Variants in TMEM127 observed in about 807,000 individuals in gnomAD.
TMEM127 encodes the protein transmembrane protein 127.
In TMEM127, 21 loss-of-function variants were observed where a neutral mutation model predicts 20.1. That is an observed-to-expected ratio of 1.04 (90% CI 0.74 to 1.50). The LOEUF (loss-of-function observed/expected upper bound fraction) is 1.50, where lower values mean the gene tolerates loss of function less well. Ranked by LOEUF, TMEM127 falls within the 40% of genes most tolerant of loss-of-function variation. The pLI is 0.00. For synonymous variants in TMEM127, 150 were observed against 144.7 expected (o/e 1.04, Z -0.26); for missense variants, 303 against 317.4 (o/e 0.95, Z 0.34).
chr2:96,250,365 T>C lies in TMEM127; in HGVS notation c.*3443A>G. On this transcript the variant is annotated 3_prime_UTR_variant, in exon 4 of 4. Coordinates refer to ENST00000258439, the MANE Select transcript of TMEM127 (RefSeq NM_017849.4). Reference sequence around the variant, plus strand: ...GCTGCGTCCTCCAGGAAGCCTTTCATTATCACTCAGGTCAGAACTGGCTCC... The same window carrying C: ...GCTGCGTCCTCCAGGAAGCCTTTCACTATCACTCAGGTCAGAACTGGCTCC... The C allele has an allele frequency of 4.3e-6, 1 of 232,824 alleles. No homozygotes were observed. Among genetic ancestry groups the C allele is most frequent in the Admixed American group, 5.6e-5 (1 of 17,784 alleles). The allele number at this position is 232,824 out of a possible 1,614,324, so 14.4% of individuals were successfully genotyped here.
rs1048563235 is a variant in TMEM127, at chr2:96,249,683, G to C, written c.*4125C>G. On this transcript the variant is annotated 3_prime_UTR_variant, in exon 4 of 4. Coordinates refer to ENST00000258439, the MANE Select transcript of TMEM127 (RefSeq NM_017849.4). The stretch of plus-strand genomic sequence containing the variant: ...CCCCCCAAAAAATGCAGAGGAAGAG[G>C]TAAGATTGCAGGCTATTTGAAAACA... 2 of 233,012 alleles carry C rather than the reference G, an allele frequency of 8.6e-6. No individual in the cohort carries two copies. Among genetic ancestry groups the C allele is most frequent in the African/African-American group, 4.4e-5 (2 of 45,334 alleles). 14.4% of individuals were successfully genotyped at this position (233,012 alleles called of 1,614,324 possible). A position where few individuals can be genotyped will look rare whatever the true frequency, so the allele number is the denominator to read the frequency against.
intron 2 of TMEM127, 41 bp downstream of exon 2, chr2:96,265,097 C>T: frequency 6.2e-7 from 1 of 1,609,826 alleles, no homozygotes; most frequent in Non-Finnish European, 8.5e-7. Flanking sequence ...CACATTCTGT[C>T]CCCCACCGAG....
chr2:96,262,510 C>T (rs1005191645), intron 2 of TMEM127, among the ~76,000 whole-genome samples: 3 of 152,162 alleles, frequency 2.0e-5, no homozygotes, highest in African/African-American at 7.2e-5. Flanking sequence ...TCTGTGATAG[C>T]TCATGAGGCA....
Position 96,251,927 on chromosome 2 carries a change from AC to A in TMEM127, c.*1880del. ...GGTCTTCTGGTCTGCCTGCTCAGACACCCAAGGGCAGAGAGAGCTGGCCACA... is the reference window on the plus strand; with the variant it reads ...GGTCTTCTGGTCTGCCTGCTCAGACACCAAGGGCAGAGAGAGCTGGCCACA... On this transcript the variant is annotated 3_prime_UTR_variant, in exon 4 of 4. Coordinates refer to ENST00000258439, the MANE Select transcript of TMEM127 (RefSeq NM_017849.4). The A allele has an allele frequency of 4.3e-6, 1 of 233,352 alleles. No homozygotes were observed. Among genetic ancestry groups the A allele is most frequent in the East Asian group, 6.0e-5 (1 of 16,546 alleles). 14.5% of individuals were successfully genotyped at this position (233,352 alleles called of 1,614,324 possible). A position where few individuals can be genotyped will look rare whatever the true frequency, so the allele number is the denominator to read the frequency against.
At chr2:96,259,148 T>C (rs745756480) in intron 2 of TMEM127, among the ~76,000 whole-genome samples, 15 of 152,214 alleles carry the variant, frequency 9.9e-5, no homozygotes, top group Non-Finnish European at 1.8e-4. Flanking sequence ...CCTGCTCCTC[T>C]CCAAAGGCAA....
At chr2:96,254,736 C>A (rs1169811689) in intron 3 of TMEM127, 97 bp downstream of exon 3, 2 of 1,490,586 alleles carry the variant, frequency 1.3e-6, no homozygotes, top group African/African-American at 1.4e-5. Flanking sequence ...TGGAAGGGTG[C>A]CTGCTCAGAG....
chr2:96,256,770 A>C (rs949631080), intron 2 of TMEM127, among the ~76,000 whole-genome samples: 9 of 152,070 alleles, frequency 5.9e-5, no homozygotes, highest in African/African-American at 2.2e-4. Context: ...CCCTCCCTGA[A>C]CTCTACGAGA....
At position 96,265,246 on chromosome 2, in the gene TMEM127, T is replaced by G. The variant is rs144659242; in HGVS notation, c.136A>C (p.Thr46Pro). Residue 46 changes from threonine to proline, a missense_variant, in exon 2 of 4, where the codon ACT becomes CCT. Coordinates refer to ENST00000258439, the MANE Select transcript of TMEM127 (RefSeq NM_017849.4). ...AACCAGGCGGGCTCGGCGAGGGCAG[T>G]GCACAGCGCCGTGATAGACAGGGCG... ...PGALSITALC[T>P]ALAEPAWLHI... is the part of the protein sequence containing the mutation. The G allele has an allele frequency of 6.3e-7, 1 of 1,595,470 alleles. No homozygotes were observed. The highest frequency in any genetic ancestry group is 1.1e-5 in the South Asian group (1 of 89,058).
At chr2:96,258,327 G>A (rs1372270899) in intron 2 of TMEM127, among the ~76,000 whole-genome samples, 1 of 152,228 alleles carries the variant, frequency 6.6e-6, no homozygotes, top group Non-Finnish European at 1.5e-5. Context: ...CCAGGAACCT[G>A]GGGAGGGGAC....
At position 96,253,980 on chromosome 2, in the gene TMEM127, C is replaced by G. The variant is rs761885719; in HGVS notation, c.545G>C (p.Gly182Ala). Residue 182 changes from glycine (G) to alanine (A), a missense_variant, in exon 4 of 4, where the codon GGA becomes GCA. Coordinates refer to ENST00000258439, the MANE Select transcript of TMEM127 (RefSeq NM_017849.4). The surrounding 1 kb of genome is among the most constrained non-coding windows in gnomAD (Gnocchi z 4.3). ...TFAVSFYLVA[G>A]AGGASILATA... Reference sequence around the variant, plus strand: ...GGCCAGGATTGAGGCTCCACCAGCTCCTGCCACCAGGTAGAAGCTAACGGC... The same window carrying G: ...GGCCAGGATTGAGGCTCCACCAGCTGCTGCCACCAGGTAGAAGCTAACGGC... The G allele has an allele frequency of 6.2e-7, 1 of 1,614,172 alleles. No individual in the cohort carries two copies. Among genetic ancestry groups the G allele is most frequent in the Non-Finnish European group, 8.5e-7 (1 of 1,180,028 alleles).
In TMEM127 at chr2:96,254,173, G is replaced by A. The variant is rs906405859; in HGVS notation, c.410-58C>T. On this transcript the variant is annotated intron_variant, in intron 3 of 3. Transcript: ENST00000258439. ...TTAGTGAGCACTCCACAGCTAGGAT[G>A]CTTGAGGACCCAATCACAGCCTCTC... 123 of 1,600,144 alleles carry A rather than the reference G, an allele frequency of 7.7e-5. No homozygotes were observed. The East Asian group carries it at 2.7e-3, about 35-fold the overall frequency.
chr2:96,259,155 G>A (rs1398820815), intron 2 of TMEM127, among the ~76,000 whole-genome samples: 1 of 152,218 alleles, frequency 6.6e-6, no homozygotes, highest in Non-Finnish European at 1.5e-5. Flanking sequence ...CTCTCCAAAG[G>A]CAAATATTGT....
intron 2 of TMEM127, among the ~76,000 whole-genome samples, chr2:96,256,664 A>G (rs1440220764): frequency 6.6e-6 from 1 of 152,142 alleles, no homozygotes; most frequent in Non-Finnish European, 1.5e-5. Flanking sequence ...GAAAAGAGGA[A>G]GAAGGAAGTT....
intron 1 of TMEM127, 69 bp from the exon 2 acceptor site, chr2:96,265,581 G>C: frequency 1.7e-6 from 1 of 582,950 alleles, no homozygotes; most frequent in Non-Finnish European, 2.5e-6. Flanking sequence ...AGGGCTGCGG[G>C]AATTCGGGGG....
Position 96,253,302 on chromosome 2 carries a change from C to T in TMEM127, c.*506G>A, listed in dbSNP as rs2104281160. 4.1e-6 allele frequency: 1 copy of T among 242,784 alleles called. No individual in the cohort carries two copies. The highest frequency in any genetic ancestry group is 5.9e-5 in the East Asian group (1 of 16,898). 15.0% of individuals were successfully genotyped at this position (242,784 alleles called of 1,614,324 possible). ...TCCAAAGAGTAAAGTGCACAGAACT[C>T]CCCGGAGCAGGTGGCCTGGGGGCGG... On this transcript the variant is annotated 3_prime_UTR_variant, in exon 4 of 4. Coordinates refer to ENST00000258439, the MANE Select transcript of TMEM127 (RefSeq NM_017849.4). The surrounding 1 kb of genome is among the most constrained non-coding windows in gnomAD (Gnocchi z 4.3).
Position 96,253,746 on chromosome 2 carries a change from G to C in TMEM127, c.*62C>G. The C allele has an allele frequency of 6.5e-7, 1 of 1,544,812 alleles. No individual in the cohort carries two copies. Among genetic ancestry groups the C allele is most frequent in the Non-Finnish European group, 8.8e-7 (1 of 1,139,244 alleles). ...CCTGCTGGGGAAAGGAGCTCCTCTGGGTGCGAGAGGAGCTGCAGAGTTGAG... is the reference window on the plus strand; with the variant it reads ...CCTGCTGGGGAAAGGAGCTCCTCTGCGTGCGAGAGGAGCTGCAGAGTTGAG... On this transcript the variant is annotated 3_prime_UTR_variant, in exon 4 of 4. Coordinates refer to ENST00000258439, the MANE Select transcript of TMEM127 (RefSeq NM_017849.4). The surrounding 1 kb of genome is among the most constrained non-coding windows in gnomAD (Gnocchi z 4.3).
rs1472610237 is a variant in TMEM127 at position 96,265,135 on chromosome 2, C to G, written c.244+3G>C. 6.2e-7 allele frequency: 1 copy of G among 1,612,178 alleles called. No individual in the cohort carries two copies. Among genetic ancestry groups the G allele is most frequent in the Non-Finnish European group, 8.5e-7 (1 of 1,179,786 alleles). On this transcript the variant is annotated splice_donor_region_variant and intron_variant, in intron 2 of 3. Coordinates refer to ENST00000258439, the MANE Select transcript of TMEM127 (RefSeq NM_017849.4). ...TTTAAGGGCCAGCGCGCAGCACCCTCACCTTTCAGCAGGTCCGGGTGCACA... is the reference window on the plus strand; with the variant it reads ...TTTAAGGGCCAGCGCGCAGCACCCTGACCTTTCAGCAGGTCCGGGTGCACA...
rs189951252 is a variant in TMEM127 at position 96,259,334 on chromosome 2, G to C, written c.245-4337C>G. The stretch of plus-strand genomic sequence containing the variant: ...GAGCTAGATTCCAAACCATGATCAG[G>C]CTCCCCTACACTGTGCTGCTCGGAA... On this transcript the variant is annotated intron_variant, in intron 2 of 3. Coordinates refer to ENST00000258439, the MANE Select transcript of TMEM127 (RefSeq NM_017849.4). Among the ~76,000 whole-genome samples the C allele has an allele frequency of 3.1e-3, 477 of 152,322 alleles. 3 individuals are homozygous for C. Among genetic ancestry groups the C allele is most frequent in the Non-Finnish European group, 3.9e-3 (265 of 68,028 alleles).
chr2:96,264,093 G>A (rs1684364752), intron 2 of TMEM127, among the ~76,000 whole-genome samples: 1 of 152,198 alleles, frequency 6.6e-6, no homozygotes, highest in African/African-American at 2.4e-5. Context: ...ATGCAAAACA[G>A]TAAGAGAACA....
Sources: allele counts gnomAD v4.1 joint callset (sites outside exome capture counted in the v4.1 genomes callset), GRCh38; gene constraint gnomAD v4.1.1; non-coding constraint Gnocchi (gnomAD v3.1); transcripts MANE v1.5; gene names NCBI Gene and HGNC (gene_info 2026-07-23, HGNC 2026-07-21).